The following DRC8 variants were observed in gnomAD, a reference collection of about 807,000 sequenced individuals.
The protein encoded by DRC8 is dynein regulatory complex protein 8.
chr1:244,970,196 G>A, the DRC8 span: 1 of 727,782 alleles, frequency 1.4e-6, no homozygotes, highest in Non-Finnish European at 2.5e-6. Context: ...GTGGCAGACG[G>A]GGCCTCTGGT....
chr1:245,119,630 C>A, the DRC8 span, among the ~76,000 whole-genome samples: 1 of 149,996 alleles, frequency 6.7e-6, no homozygotes, highest in Non-Finnish European at 1.5e-5. Context: ...CAGAGCAAGA[C>A]CCTGTCTAAA....
At chr1:244,988,392 A>C in the DRC8 span, among the ~76,000 whole-genome samples, 1 of 152,184 alleles carries the variant, frequency 6.6e-6, no homozygotes. Flanking sequence ...TTATTTTATA[A>C]TAAGCAACAC....
the DRC8 span, among the ~76,000 whole-genome samples, chr1:245,008,189 A>G: frequency 1.3e-5 from 2 of 152,098 alleles, no homozygotes; most frequent in African/African-American, 4.8e-5. Flanking sequence ...CAAAGAAACA[A>G]ACAAAAACCC....
At chr1:245,115,236 T>C in the DRC8 span, among the ~76,000 whole-genome samples, 1 of 151,618 alleles carries the variant, frequency 6.6e-6, no homozygotes, top group Non-Finnish European at 1.5e-5. Context: ...TTTGTAGAGA[T>C]GGGGTTTCAC....
At chr1:244,986,615 T>A in the DRC8 span, among the ~76,000 whole-genome samples, 4 of 151,870 alleles carry the variant, frequency 2.6e-5, no homozygotes, top group African/African-American at 9.7e-5. Flanking sequence ...GAGCCTGGAG[T>A]CCCAGCTACT....
At chr1:244,972,626 C>T in the DRC8 span, among the ~76,000 whole-genome samples, 1 of 152,090 alleles carries the variant, frequency 6.6e-6, no homozygotes, top group East Asian at 1.9e-4. Context: ...CGAGACCATC[C>T]TGGCCAACAT....
At chr1:245,107,603 T>G in the DRC8 span, among the ~76,000 whole-genome samples, 1 of 152,234 alleles carries the variant, frequency 6.6e-6, no homozygotes, top group African/African-American at 2.4e-5. Context: ...GGTCACCTCC[T>G]GCCTTTGCTG....
chr1:244,981,366 A>AT, the DRC8 span, among the ~76,000 whole-genome samples: 1 of 152,222 alleles, frequency 6.6e-6, no homozygotes, highest in South Asian at 2.1e-4. Flanking sequence ...AGTAGGAAGA[A>AT]TTTCATGAAG....
At chr1:244,996,938 A>G in the DRC8 span, among the ~76,000 whole-genome samples, 1 of 152,330 alleles carries the variant, frequency 6.6e-6, no homozygotes, top group African/African-American at 2.4e-5. Context: ...AGTCCCTTAC[A>G]TAAAATGGCA....
chr1:245,071,237 G>T, the DRC8 span, among the ~76,000 whole-genome samples: 7 of 152,246 alleles, frequency 4.6e-5, no homozygotes, highest in East Asian at 1.9e-4. Context: ...AGACTTTGAG[G>T]TGTATGCTAG....
the DRC8 span, among the ~76,000 whole-genome samples, chr1:245,015,965 C>CTTTTTTTTTTTT: frequency 6.1e-4 from 35 of 57,208 alleles, no homozygotes; most frequent in Non-Finnish European, 9.6e-4. Context: ...GCCTACAGGG[C>CTTTTTTTTTTTT]TTTTTTTTTT....
the DRC8 span, among the ~76,000 whole-genome samples, chr1:245,005,498 A>G: frequency 6.6e-6 from 1 of 151,576 alleles, no homozygotes; most frequent in East Asian, 1.9e-4. Flanking sequence ...TTACAGGCGC[A>G]CACCACCACA....
chr1:245,015,406 C>T, the DRC8 span, among the ~76,000 whole-genome samples: 189 of 152,240 alleles, frequency 1.2e-3, 1 homozygote, highest in African/African-American at 4.4e-3. Flanking sequence ...GTTGGCTCTG[C>T]TCTTTAGAAT....
At chr1:245,112,045 T>A in the DRC8 span, among the ~76,000 whole-genome samples, 1 of 152,086 alleles carries the variant, frequency 6.6e-6, no homozygotes, top group Non-Finnish European at 1.5e-5. Flanking sequence ...GGAAAAAAGA[T>A]AATCTGGAAG....
chr1:245,020,305 G>A, the DRC8 span, among the ~76,000 whole-genome samples: 1 of 152,214 alleles, frequency 6.6e-6, no homozygotes, highest in Non-Finnish European at 1.5e-5. Context: ...CCAGCCCACT[G>A]TCAAAAGCAT....
chr1:244,973,974 A>G, the DRC8 span, among the ~76,000 whole-genome samples: 1 of 152,312 alleles, frequency 6.6e-6, no homozygotes, highest in Middle Eastern at 3.4e-3. Context: ...TTATTTTTTC[A>G]TAGATTAAAA....
chr1:245,073,650 TAAGTA>T, the DRC8 span, among the ~76,000 whole-genome samples: 3,691 of 152,220 alleles, frequency 0.024, 137 homozygotes, highest in African/African-American at 0.084. Context: ...TTCACAGTGT[TAAGTA>T]AATAAAAAAA....
chr1:245,062,513 C>T, the DRC8 span, among the ~76,000 whole-genome samples: 1 of 152,162 alleles, frequency 6.6e-6, no homozygotes, highest in African/African-American at 2.4e-5. Flanking sequence ...ATGGCATTTT[C>T]ATACAAATGG....
chr1:244,973,642 A>G, the DRC8 span, among the ~76,000 whole-genome samples: 1 of 152,214 alleles, frequency 6.6e-6, no homozygotes, highest in Non-Finnish European at 1.5e-5. Flanking sequence ...TTTATTTCAC[A>G]GTGCCACGGT....
Sources: gnomAD v4.1 joint callset for allele counts (sites outside exome capture counted in the v4.1 genomes callset) on GRCh38, gnomAD v4.1.1 for gene constraint, MANE v1.5 for transcripts, NCBI Gene and HGNC (gene_info 2026-07-23, HGNC 2026-07-21) for gene names.